ARID4A: variants seen among roughly 807,000 people sequenced by gnomAD.
ARID4A encodes AT-rich interactive domain-containing protein 4A.
ARID4A carries 39 observed loss-of-function variants against 148.6 expected under a neutral mutation model. The observed-to-expected ratio is 0.26, with a 90% CI of 0.20 to 0.34. ARID4A has a LOEUF of 0.34. ARID4A is among the 10% of genes least tolerant of loss of function. The pLI is 1.00. For missense variants in ARID4A, 1,265 were observed against 1,449.1 expected, an observed-to-expected ratio of 0.87 and a Z score of 2.06; for synonymous variants, 475 against 481.2, an observed-to-expected ratio of 0.99 and a Z score of 0.17.
chr14:58,372,664 A>G lies in ARID4A; in HGVS notation c.*675A>G, dbSNP rs2035661426. 5.3e-6 allele frequency: 1 copy of G among 189,502 alleles called. No homozygotes were observed. Among genetic ancestry groups the G allele is most frequent in the South Asian group, 1.9e-4 (1 of 5,152 alleles). The allele number at this position is 189,502 out of a possible 1,614,324, so 11.7% of individuals were successfully genotyped here. ...AATGTTTATTAATGTTTACAGTGGA[A>G]TTGTGAATAAGTTTTCAGTGGACTA... is the stretch of plus-strand genomic sequence containing the variant. On this transcript the variant is annotated 3_prime_UTR_variant, in exon 24 of 24. Transcript: ENST00000355431.
In ARID4A at chr14:58,372,245, T is replaced by G; in HGVS notation, c.*256T>G. On this transcript the variant is annotated 3_prime_UTR_variant, in exon 24 of 24. Transcript: ENST00000355431. ...CCTCTTTACTTTTGTTTTTCGTTTG[T>G]TGTGATATAGAACAAAGGGCACTTA... 1 of 396,372 alleles carries G rather than the reference T, an allele frequency of 2.5e-6. No homozygotes were observed. The highest frequency in any genetic ancestry group is 4.6e-6 in the Non-Finnish European group (1 of 217,852). The allele number at this position is 396,372 out of a possible 1,614,324, so 24.6% of individuals were successfully genotyped here.
chr14:58,334,320 C>T (rs1197548229), intron 11 of ARID4A, among the ~76,000 whole-genome samples: 4 of 152,154 alleles, frequency 2.6e-5, no homozygotes, highest in African/African-American at 9.7e-5. Context: ...GGAAAAATTA[C>T]TAGGCTCAGT....
At chr14:58,339,964 C>G (rs1241543286) in intron 11 of ARID4A, among the ~76,000 whole-genome samples, 3 of 152,030 alleles carry the variant, frequency 2.0e-5, no homozygotes, top group African/African-American at 4.8e-5. Context: ...AGGGTGAAAT[C>G]TGCCCCATGA....
intron 5 of ARID4A, among the ~76,000 whole-genome samples, chr14:58,317,748 A>AT (rs2032563548): frequency 7.4e-6 from 1 of 135,120 alleles, no homozygotes; most frequent in South Asian, 2.4e-4. Context: ...TCGTTCCACC[A>AT]TGGCCTCTCC....
At chr14:58,325,157 G>T (rs2140180265) in intron 8 of ARID4A, among the ~76,000 whole-genome samples, 1 of 152,178 alleles carries the variant, frequency 6.6e-6, no homozygotes, top group South Asian at 2.1e-4. Flanking sequence ...GGAAATTAAT[G>T]CCTTTTTTCT....
In ARID4A at chr14:58,365,303, A is replaced by G; in HGVS notation, c.3211+3A>G. 1 of 1,600,734 alleles carries G rather than the reference A, an allele frequency of 6.2e-7. No individual in the cohort carries two copies. Among genetic ancestry groups the G allele is most frequent in the South Asian group, 1.1e-5 (1 of 88,920 alleles). On this transcript the variant is annotated splice_donor_region_variant and intron_variant, in intron 20 of 23. Coordinates refer to ENST00000355431, the MANE Select transcript of ARID4A (RefSeq NM_002892.4). ...AGAGAGAGAGAGCAGAGAGAAGGGT[A>G]AGGACTTTCTAGGGAAAAGTAAGTG...
intron 17 of ARID4A, among the ~76,000 whole-genome samples, chr14:58,357,070 A>G (rs1299714285): frequency 6.6e-6 from 1 of 152,214 alleles, no homozygotes; most frequent in East Asian, 1.9e-4. Flanking sequence ...TGCAGCCACA[A>G]CAAACAGCTA....
chr14:58,343,601 G>C (rs2034216644), intron 11 of ARID4A, among the ~76,000 whole-genome samples: 1 of 152,086 alleles, frequency 6.6e-6, no homozygotes, highest in South Asian at 2.1e-4. Context: ...GGCTGGAGTG[G>C]GCGGATCACT....
At chr14:58,351,502 T>C (rs572436344) in intron 16 of ARID4A, 179 bp downstream of exon 16, 3 of 791,066 alleles carry the variant, frequency 3.8e-6, no homozygotes, top group African/African-American at 3.5e-5. Context: ...AATTGGAGAA[T>C]ATACTGGTCG....
At chr14:58,367,173 G>T (rs970614257) in intron 23 of ARID4A, 144 bp downstream of exon 23, 2 of 620,974 alleles carry the variant, frequency 3.2e-6, no homozygotes, top group Non-Finnish European at 4.8e-6. Context: ...TTGTTGAAAT[G>T]AGTAGGTCAG....
At chr14:58,349,208 A>G (rs2034517418) in intron 15 of ARID4A, among the ~76,000 whole-genome samples, 1 of 152,192 alleles carries the variant, frequency 6.6e-6, no homozygotes, top group Admixed American at 6.5e-5. Flanking sequence ...GGTGAATAAT[A>G]TTTTATTGTA....
At chr14:58,337,559 G>A (rs938159047) in intron 11 of ARID4A, among the ~76,000 whole-genome samples, 1 of 152,014 alleles carries the variant, frequency 6.6e-6, no homozygotes, top group Non-Finnish European at 1.5e-5. Context: ...CACCTTGGCA[G>A]GGGGAACTAA....
chr14:58,349,363 G>A (rs529288461), intron 15 of ARID4A, among the ~76,000 whole-genome samples: 1 of 151,990 alleles, frequency 6.6e-6, no homozygotes, highest in South Asian at 2.1e-4. Flanking sequence ...TTTAAAAAGT[G>A]CTGCCGGGCG....
intron 4 of ARID4A, among the ~76,000 whole-genome samples, chr14:58,305,622 T>C (rs954936499): frequency 2.6e-5 from 4 of 152,190 alleles, no homozygotes; most frequent in African/African-American, 9.6e-5. Context: ...TCACTATTTC[T>C]GTGAAAGAAA....
intron 10 of ARID4A, 130 bp downstream of exon 10, chr14:58,329,734 A>AT (rs1039810772): frequency 2.6e-3 from 2,384 of 917,746 alleles, no homozygotes; most frequent in South Asian, 3.1e-3. Flanking sequence ...CTCTTACTTG[A>AT]TTTTTTTTTA....
intron 12 of ARID4A, among the ~76,000 whole-genome samples, 178 bp from the exon 13 acceptor site, chr14:58,346,230 AATT>A (rs1420607704): frequency 8.0e-5 from 12 of 149,746 alleles, no homozygotes; most frequent in African/African-American, 1.9e-4. Flanking sequence ...TATAAAAAAG[AATT>A]ATTATATATA....
intron 11 of ARID4A, among the ~76,000 whole-genome samples, chr14:58,344,141 A>C (rs955719802): frequency 1.3e-5 from 2 of 152,138 alleles, no homozygotes; most frequent in African/African-American, 4.8e-5. Context: ...TCTGGGGTAA[A>C]ATAGAATGTA....
At position 58,360,287 on chromosome 14, in the gene ARID4A, C is replaced by T. The variant is rs181216809; in HGVS notation, c.1939-614C>T. ...CGAGAGGTCACATTCCTCATTTAGACGGAATGGAACTAACCACTCTGCTGT... is the reference window on the plus strand; with the variant it reads ...CGAGAGGTCACATTCCTCATTTAGATGGAATGGAACTAACCACTCTGCTGT... On this transcript the variant is annotated intron_variant, in intron 18 of 23. Coordinates refer to ENST00000355431, the MANE Select transcript of ARID4A (RefSeq NM_002892.4). Among the ~76,000 whole-genome samples, 413 of 152,206 alleles carry T rather than the reference C, an allele frequency of 2.7e-3. 4 individuals carry two copies. The highest frequency in any genetic ancestry group is 9.4e-3 in the African/African-American group (389 of 41,536).
chr14:58,299,925 C>G lies in ARID4A; in HGVS notation c.6+65C>G, dbSNP rs2030993789. The stretch of plus-strand genomic sequence containing the variant: ...ACACTGCCAATCCTAAGGCTAGTGC[C>G]GTGGAATGTCATTTGTTTTGCTACT... On this transcript the variant is annotated intron_variant, in intron 2 of 23. Coordinates refer to ENST00000355431, the MANE Select transcript of ARID4A (RefSeq NM_002892.4). The G allele has an allele frequency of 3.7e-6, 6 of 1,601,086 alleles. No homozygotes were observed. In the Admixed American group the frequency reaches 1.0e-4, roughly 27 times the overall value.
Sources: gnomAD v4.1 joint callset for allele counts (sites outside exome capture counted in the v4.1 genomes callset) on GRCh38, gnomAD v4.1.1 for gene constraint, MANE v1.5 for transcripts, NCBI Gene and HGNC (gene_info 2026-07-23, HGNC 2026-07-21) for gene names.